LHFPL6: variants seen among roughly 807,000 people sequenced by gnomAD.
LHFPL6 encodes LHFPL tetraspan subfamily member 6.
Under a neutral mutation model 20.6 loss-of-function variants are expected in LHFPL6, and 9 were observed. The ratio of observed to expected loss-of-function variants is 0.44; its 90% CI spans 0.26 to 0.76. The LOEUF is 0.76. LHFPL6 is among the 30% of genes least tolerant of loss of function. LHFPL6 has a pLI of 0.20. For synonymous variants in LHFPL6, 105 were observed against 98.7 expected (o/e 1.06, Z -0.38); for missense variants, 218 against 253.5 (o/e 0.86, Z 0.95).
At chr13:39,380,389 G>A (rs369687365) in intron 2 of LHFPL6, among the ~76,000 whole-genome samples, 8 of 152,210 alleles carry the variant, frequency 5.3e-5, no homozygotes, top group African/African-American at 1.9e-4. Flanking sequence ...TAGGAAATGG[G>A]CCACAGAGCA....
chr13:39,593,221 G>A (rs995880055), intron 2 of LHFPL6, among the ~76,000 whole-genome samples: 1 of 152,136 alleles, frequency 6.6e-6, no homozygotes, highest in Non-Finnish European at 1.5e-5. Flanking sequence ...ATCTAGAAAA[G>A]CCCATTGTCT....
intron 2 of LHFPL6, among the ~76,000 whole-genome samples, chr13:39,469,019 T>A (rs1455421847): frequency 6.6e-6 from 1 of 152,178 alleles, no homozygotes; most frequent in East Asian, 1.9e-4. Context: ...AGGCCTAGGA[T>A]AGCAGTAACT....
intron 2 of LHFPL6, among the ~76,000 whole-genome samples, chr13:39,514,227 C>G (rs2138478336): frequency 6.6e-6 from 1 of 152,186 alleles, no homozygotes; most frequent in East Asian, 1.9e-4. Context: ...ACAATTCCTT[C>G]TTATTTCCCT....
At chr13:39,467,263 T>C (rs1426917738) in intron 2 of LHFPL6, among the ~76,000 whole-genome samples, 3 of 152,168 alleles carry the variant, frequency 2.0e-5, no homozygotes, top group Admixed American at 2.0e-4. Flanking sequence ...TTATTTGTGT[T>C]TTTGGTACCA....
chr13:39,500,725 T>C (rs1869265830), intron 2 of LHFPL6, among the ~76,000 whole-genome samples: 1 of 152,228 alleles, frequency 6.6e-6, no homozygotes, highest in Middle Eastern at 3.2e-3. Context: ...TTTTAAAATG[T>C]ATACTACGCC....
rs1332137692 is a variant in LHFPL6, at chr13:39,343,114, T to A, written c.*822A>T. The stretch of plus-strand genomic sequence containing the variant: ...GACAGAAAGTTGCCCCTTTTCTTCA[T>A]AAGAATATCATAGCAGAAGCTACTC... On this transcript the variant is annotated 3_prime_UTR_variant, in exon 4 of 4. Transcript: ENST00000379589. The A allele has an allele frequency of 4.9e-6, 1 of 202,322 alleles. No homozygotes were observed. The highest frequency in any genetic ancestry group is 7.6e-5 in the East Asian group (1 of 13,136). The allele number at this position is 202,322 out of a possible 1,614,324, so 12.5% of individuals were successfully genotyped here. A position where few individuals can be genotyped will look rare whatever the true frequency, so the allele number is the denominator to read the frequency against.
chr13:39,561,876 C>T (rs920086499), intron 2 of LHFPL6, among the ~76,000 whole-genome samples: 10 of 152,098 alleles, frequency 6.6e-5, no homozygotes, highest in African/African-American at 2.4e-4. Flanking sequence ...TCACAACAAT[C>T]CTCTGAGTTA....
At chr13:39,386,724 G>T (rs1422560096) in intron 2 of LHFPL6, among the ~76,000 whole-genome samples, 1 of 152,228 alleles carries the variant, frequency 6.6e-6, no homozygotes, top group Non-Finnish European at 1.5e-5. Flanking sequence ...CACAGAGCCT[G>T]CAAGTGGCTG....
intron 2 of LHFPL6, among the ~76,000 whole-genome samples, chr13:39,576,212 A>G (rs1224238076): frequency 6.6e-6 from 1 of 152,200 alleles, no homozygotes; most frequent in Non-Finnish European, 1.5e-5. Flanking sequence ...GAGTTCATAC[A>G]GACTAGGTTT....
intron 2 of LHFPL6, among the ~76,000 whole-genome samples, chr13:39,542,861 C>T (rs1039832839): frequency 1.3e-5 from 2 of 152,166 alleles, no homozygotes; most frequent in East Asian, 1.9e-4. Flanking sequence ...GCAAAATATA[C>T]GTAACATAAA....
At chr13:39,404,069 C>A (rs746215341) in intron 2 of LHFPL6, among the ~76,000 whole-genome samples, 44 of 152,172 alleles carry the variant, frequency 2.9e-4, no homozygotes, top group Admixed American at 7.2e-4. Context: ...CTTTGTGGAG[C>A]TCAAGGAACA....
At chr13:39,511,226 T>TTAA (rs1053459906) in intron 2 of LHFPL6, among the ~76,000 whole-genome samples, 7 of 152,182 alleles carry the variant, frequency 4.6e-5, no homozygotes, top group African/African-American at 1.7e-4. Flanking sequence ...TCATGGGTAT[T>TTAA]TAATGTAATG....
chr13:39,468,375 A>G (rs1236764263), intron 2 of LHFPL6, among the ~76,000 whole-genome samples: 1 of 151,970 alleles, frequency 6.6e-6, no homozygotes, highest in African/African-American at 2.4e-5. Context: ...GGCTTTAATC[A>G]TTTGATCCCA....
chr13:39,409,218 C>T (rs1401015955), intron 2 of LHFPL6, among the ~76,000 whole-genome samples: 1 of 152,152 alleles, frequency 6.6e-6, no homozygotes, highest in Admixed American at 6.6e-5. Flanking sequence ...CTTTGGGAGG[C>T]TGAGGTGGGC....
intron 2 of LHFPL6, among the ~76,000 whole-genome samples, chr13:39,470,935 C>T (rs1322583007): frequency 6.6e-6 from 1 of 152,224 alleles, no homozygotes; most frequent in Non-Finnish European, 1.5e-5. Context: ...CAGGCATTTG[C>T]TCAATCAATA....
At chr13:39,368,267 G>A (rs973173315) in intron 3 of LHFPL6, among the ~76,000 whole-genome samples, 4 of 138,822 alleles carry the variant, frequency 2.9e-5, no homozygotes, top group African/African-American at 1.1e-4. Context: ...GGAGGCAAAG[G>A]TTGCAGTGGG....
intron 2 of LHFPL6, among the ~76,000 whole-genome samples, chr13:39,542,964 C>T (rs988973492): frequency 6.6e-6 from 1 of 152,154 alleles, no homozygotes; most frequent in African/African-American, 2.4e-5. Context: ...ATTTCCAGAA[C>T]TTTTTCATCT....
In LHFPL6 at chr13:39,471,687, G is replaced by T. The variant is rs546262364; in HGVS notation, c.386-93161C>A. Reference sequence around the variant, plus strand: ...TTATGTTATCCATTGGTACTTACACGTGTATTGTACCACATGTATCATGTG... The same window carrying T: ...TTATGTTATCCATTGGTACTTACACTTGTATTGTACCACATGTATCATGTG... On this transcript the variant is annotated intron_variant, in intron 2 of 3. Coordinates refer to ENST00000379589, the MANE Select transcript of LHFPL6 (RefSeq NM_005780.3). Among the ~76,000 whole-genome samples, 38 of 152,290 alleles carry T rather than the reference G, an allele frequency of 2.5e-4. 1 individual carries two copies. The South Asian group carries it at 7.9e-3, about 32-fold the overall frequency.
At chr13:39,438,780 C>A (rs1440532331) in intron 2 of LHFPL6, among the ~76,000 whole-genome samples, 1 of 152,226 alleles carries the variant, frequency 6.6e-6, no homozygotes, top group Non-Finnish European at 1.5e-5. Flanking sequence ...TAAGCCTTGG[C>A]AACTTCCATA....
Sources: allele counts gnomAD v4.1 joint callset (sites outside exome capture counted in the v4.1 genomes callset), GRCh38; gene constraint gnomAD v4.1.1; transcripts MANE v1.5; gene names NCBI Gene and HGNC (gene_info 2026-07-23, HGNC 2026-07-21).